Variants in WDHD1 observed in about 807,000 individuals in gnomAD.
WDHD1 encodes the protein WD repeat and HMG-box DNA binding protein 1.
A neutral mutation model predicts 135.4 loss-of-function variants in WDHD1; 111 were observed. That is an observed-to-expected ratio of 0.82 (90% CI 0.70 to 0.96). The LOEUF is 0.96. WDHD1 is among the 40% of genes least tolerant of loss of function. The probability of loss-of-function intolerance (pLI) is 0.00; values close to 1 mark genes in which losing one functional copy is unlikely to be tolerated. For missense variants in WDHD1, 1,351 were observed against 1,336.3 expected (o/e 1.01, Z -0.17); for synonymous variants, 434 against 439.0 (o/e 0.99, Z 0.14).
intron 5 of WDHD1, 107 bp downstream of exon 5, chr14:55,008,500 CA>C (rs2042110693): frequency 3.1e-5 from 44 of 1,439,576 alleles, no homozygotes; most frequent in Non-Finnish European, 4.1e-5. Flanking sequence ...CTGAATAAAA[CA>C]AAGGTTGAAA....
intron 22 of WDHD1, 39 bp downstream of exon 22, chr14:54,957,553 G>A: frequency 6.7e-7 from 1 of 1,503,136 alleles, no homozygotes; most frequent in Non-Finnish European, 9.1e-7. Flanking sequence ...GTATACAAAT[G>A]TATTTAAATA....
intron 11 of WDHD1, 123 bp from the exon 12 acceptor site, chr14:54,991,523 C>G: frequency 1.1e-6 from 1 of 936,048 alleles, no homozygotes; most frequent in Non-Finnish European, 1.6e-6. Flanking sequence ...CTATTTGCCT[C>G]TTTCACTGTG....
chr14:55,008,882 C>T (rs1421544570), intron 4 of WDHD1, among the ~76,000 whole-genome samples, 163 bp from the exon 5 acceptor site: 4 of 151,932 alleles, frequency 2.6e-5, no homozygotes, highest in East Asian at 1.9e-4. Flanking sequence ...CTGCAACCTC[C>T]GCCTCCCAGG....
At chr14:54,944,088 C>CT (rs548668357) in intron 25 of WDHD1, among the ~76,000 whole-genome samples, 13 of 147,312 alleles carry the variant, frequency 8.8e-5, no homozygotes, top group African/African-American at 9.9e-5. Context: ...AAGGCTTTTC[C>CT]TTTTTTTTTT....
Position 54,981,602 on chromosome 14 carries a change from G to T in WDHD1, c.2001C>A (p.His667Gln). ...TWTPICNTRE[H>Q]CKGKSDHYWV... The stretch of plus-strand genomic sequence containing the variant: ...AGTAGTGATCAGATTTTCCTTTGCA[G>T]TGCTCTCTTGTATTACATATAGGAG... Residue 667 changes from histidine to glutamine, a missense_variant, in exon 16 of 26, where the codon CAC (histidine) becomes CAA (glutamine). Coordinates refer to ENST00000360586, the MANE Select transcript of WDHD1 (RefSeq NM_007086.4). 6.2e-7 allele frequency: 1 copy of T among 1,613,566 alleles called. No homozygotes were observed. The highest frequency in any genetic ancestry group is 8.5e-7 in the Non-Finnish European group (1 of 1,179,772).
At chr14:55,011,404 C>A (rs1204866152) in intron 3 of WDHD1, among the ~76,000 whole-genome samples, 1 of 150,964 alleles carries the variant, frequency 6.6e-6, no homozygotes, top group Non-Finnish European at 1.5e-5. Flanking sequence ...TGGTGGTGGG[C>A]AGCCAGCTGT....
chr14:55,009,747 A>G (rs967171250), intron 4 of WDHD1, among the ~76,000 whole-genome samples: 1 of 151,730 alleles, frequency 6.6e-6, no homozygotes. Context: ...TAATTTTTTT[A>G]AATTTTCCAT....
rs559403395 is a variant in WDHD1, at chr14:54,939,960, T to A, written c.*1530A>T. The A allele has an allele frequency of 6.6e-6, 1 of 152,220 alleles. No homozygotes were observed. The highest frequency in any genetic ancestry group is 1.5e-5 in the Non-Finnish European group (1 of 68,034). 9.4% of individuals were successfully genotyped at this position (152,220 alleles called of 1,614,324 possible). A position where few individuals can be genotyped will look rare whatever the true frequency, so the allele number is the denominator to read the frequency against. ...ACATGTCTACAAACATGCTTTCCAA[T>A]GTACTATAAATAAACCTTTACTTAA... On this transcript the variant is annotated 3_prime_UTR_variant, in exon 26 of 26. Coordinates refer to ENST00000360586, the MANE Select transcript of WDHD1 (RefSeq NM_007086.4).
chr14:54,941,830 T>C, intron 25 of WDHD1, 140 bp from the exon 26 acceptor site: 2 of 704,558 alleles, frequency 2.8e-6, no homozygotes, highest in Non-Finnish European at 4.5e-6. Flanking sequence ...TTCTCATTGT[T>C]AACAAATCTT....
chr14:54,945,713 G>A (rs1459566747), intron 24 of WDHD1, among the ~76,000 whole-genome samples: 1 of 152,032 alleles, frequency 6.6e-6, no homozygotes, highest in Non-Finnish European at 1.5e-5. Context: ...GCTAATTTTT[G>A]TATTTTTAGT....
chr14:54,993,525 C>A (rs556274922), intron 11 of WDHD1, among the ~76,000 whole-genome samples: 60 of 152,304 alleles, frequency 3.9e-4, no homozygotes, highest in Non-Finnish European at 8.4e-4. Flanking sequence ...AGTCTTGGTG[C>A]AACATCAAAG....
In WDHD1 at chr14:54,939,055, A is replaced by G. The variant is rs576851531; in HGVS notation, c.*2435T>C. 1 of 152,342 alleles carries G rather than the reference A, an allele frequency of 6.6e-6. No individual in the cohort carries two copies. The highest frequency in any genetic ancestry group is 6.5e-5 in the Admixed American group (1 of 15,308). The allele number at this position is 152,342 out of a possible 1,614,324, so 9.4% of individuals were successfully genotyped here. A position where few individuals can be genotyped will look rare whatever the true frequency, so the allele number is the denominator to read the frequency against. On this transcript the variant is annotated 3_prime_UTR_variant, in exon 26 of 26. Coordinates refer to ENST00000360586, the MANE Select transcript of WDHD1 (RefSeq NM_007086.4). ...GAAAAATCCTGTCTATAAAGCATACATGATAAAATGTCAACAATAAGACAA... is the reference window on the plus strand; with the variant it reads ...GAAAAATCCTGTCTATAAAGCATACGTGATAAAATGTCAACAATAAGACAA...
rs1020070355 is a variant in WDHD1 at position 54,967,372 on chromosome 14, G to A, written c.2086C>T (p.Arg696Trp). The change falls in exon 17 of 26, where the codon CGG (arginine) becomes TGG (tryptophan). Residue 696 changes from arginine (R) to tryptophan (W), a missense_variant. Physicochemically the swap from Arg to Trp is moderately radical, Grantham distance 101 (BLOSUM62 -3). This residue lies in a region of WDHD1 where 1,330 missense variants were observed against 1,296.1 expected (regional missense o/e 1.03). Transcript: ENST00000360586. ...GGGCGTGGAAGGGTTGGGGGAAACC[G>A]AGAACCTTTACAAGGAATGCACCTG... ...QLRCIPCKGS[R>W]FPPTLPRPAV... is the part of the protein sequence containing the mutation. 5.6e-6 allele frequency: 9 copies of A among 1,611,266 alleles called. No individual in the cohort carries two copies. Among genetic ancestry groups the A allele is most frequent in the East Asian group, 2.2e-5 (1 of 44,768 alleles).
rs1431430442 is a variant in WDHD1 at position 54,960,666 on chromosome 14, A to T, written c.2701+1832T>A. 3.4e-5 allele frequency among the ~76,000 whole-genome samples: 5 copies of T among 145,926 alleles called. No individual in the cohort carries two copies. In the East Asian group the frequency reaches 1.0e-3, roughly 29 times the overall value. ...AGGCATGAGCCACCATGCCCGGCTAATTTTTTTTTTTGTATTTTTAGTGGA... is the reference window on the plus strand; with the variant it reads ...AGGCATGAGCCACCATGCCCGGCTATTTTTTTTTTTTGTATTTTTAGTGGA... On this transcript the variant is annotated intron_variant, in intron 21 of 25. Transcript: ENST00000360586.
chr14:54,945,131 C>T (rs1346793772), intron 24 of WDHD1, among the ~76,000 whole-genome samples: 1 of 152,162 alleles, frequency 6.6e-6, no homozygotes, highest in East Asian at 1.9e-4. Flanking sequence ...TCTATTTCCC[C>T]AAACCAGCTA....
intron 15 of WDHD1, among the ~76,000 whole-genome samples, chr14:54,983,645 C>A (rs2041653159): frequency 6.6e-6 from 1 of 151,648 alleles, no homozygotes; most frequent in Admixed American, 6.6e-5. Context: ...TGCACTCCAG[C>A]CTGGGCAACA....
intron 1 of WDHD1, 102 bp from the exon 2 acceptor site, chr14:55,026,905 G>A (rs2042456217): frequency 8.9e-7 from 1 of 1,120,742 alleles, no homozygotes; most frequent in South Asian, 1.3e-5. Context: ...CCCGTTCTCC[G>A]CAGCCCGGTT....
At chr14:54,962,473 T>C (rs745995189) in intron 21 of WDHD1, 25 bp downstream of exon 21, 13 of 1,585,838 alleles carry the variant, frequency 8.2e-6, no homozygotes, top group Admixed American at 1.7e-5. Flanking sequence ...TTCCTTGATA[T>C]TACAAATTTA....
rs1386175587 is a variant in WDHD1, at chr14:54,940,683, G to A, written c.*807C>T. 6.6e-6 allele frequency: 1 copy of A among 152,096 alleles called. No homozygotes were observed. The highest frequency in any genetic ancestry group is 1.5e-5 in the Non-Finnish European group (1 of 68,016). The allele number at this position is 152,096 out of a possible 1,614,324, so 9.4% of individuals were successfully genotyped here. On this transcript the variant is annotated 3_prime_UTR_variant, in exon 26 of 26. Coordinates refer to ENST00000360586, the MANE Select transcript of WDHD1 (RefSeq NM_007086.4). ...TCAAAGTCTTGCTCAGTAAAGTACT[G>A]TTGATGCTGATAATCAGAGTATCCC...
Sources: gnomAD v4.1 joint callset for allele counts (sites outside exome capture counted in the v4.1 genomes callset) on GRCh38, gnomAD v4.1.1 for gene constraint, gnomAD v4.1.1 regional missense constraint, MANE v1.5 for transcripts, NCBI Gene and HGNC (gene_info 2026-07-23, HGNC 2026-07-21) for gene names.